ZFP64: variants seen among roughly 807,000 people sequenced by gnomAD.
ZFP64 encodes the protein zinc finger protein 64.
In ZFP64, 14 loss-of-function variants were observed where a neutral mutation model predicts 51.6. That is an observed-to-expected ratio of 0.27 (90% CI 0.18 to 0.42). ZFP64 has a LOEUF of 0.42. Ranked by LOEUF, ZFP64 falls within the 10% of genes least tolerant of loss-of-function variation. The probability of loss-of-function intolerance (pLI) is 1.00; values close to 1 mark genes in which losing one functional copy is unlikely to be tolerated. For missense variants in ZFP64, 754 were observed against 906.8 expected (o/e 0.83, Z 2.16); for synonymous variants, 375 against 361.4 (o/e 1.04, Z -0.43).
At chr20:52,106,102 C>CG (rs1348961036) in intron 5 of ZFP64, among the ~76,000 whole-genome samples, 6 of 152,190 alleles carry the variant, frequency 3.9e-5, no homozygotes, top group Non-Finnish European at 8.8e-5. Flanking sequence ...GTGACTCGGG[C>CG]GCACCGGCTC....
Position 52,085,185 on chromosome 20 carries a change from G to C in ZFP64, c.1310C>G (p.Ser437Trp), listed in dbSNP as rs1229735732. Reference sequence around the variant, plus strand: ...CTCGCACTTGAAAGGCTTCTCCCCCGAGTGCACGATCATGTGCCTTTTCAA... The same window carrying C: ...CTCGCACTTGAAAGGCTTCTCCCCCCAGTGCACGATCATGTGCCTTTTCAA... The change falls in exon 9 of 9, where the codon TCG (serine) becomes TGG (tryptophan). Residue 437 changes from serine (S) to tryptophan (W), a missense_variant. By Grantham distance (177) the Ser-to-Trp change is radical (BLOSUM62 -3). Coordinates refer to the ZFP64 transcript ENST00000361387. The surrounding 1 kb of genome is among the most constrained non-coding windows in gnomAD (Gnocchi z 4.3). The C allele has an allele frequency of 6.2e-7, 1 of 1,614,192 alleles. No homozygotes were observed. Among genetic ancestry groups the C allele is most frequent in the Admixed American group, 1.7e-5 (1 of 60,024 alleles).
At chr20:52,178,440 A>T (rs907081825) in intron 2 of ZFP64, among the ~76,000 whole-genome samples, 3 of 152,194 alleles carry the variant, frequency 2.0e-5, no homozygotes, top group African/African-American at 7.2e-5. Context: ...TACTTTATAT[A>T]GAGTACTTAG....
chr20:52,088,599 G>A (rs760481465), exon 8 of ZFP64: 15 of 1,614,044 alleles, frequency 9.3e-6, no homozygotes, highest in Admixed American at 1.7e-5. Context: ...TTGTCCTTCC[G>A]GCTGAAGCAC....
chr20:52,152,223 G>C lies in ZFP64; in HGVS notation c.1969C>G (p.Pro657Ala). Residue 657 changes from proline (P) to alanine (A), a missense_variant, in exon 6 of 6, where the codon CCC (proline) becomes GCC (alanine). Physicochemically the swap from Pro to Ala is conservative, Grantham distance 27. Coordinates refer to ENST00000216923, the MANE Select transcript of ZFP64 (RefSeq NM_018197.3). ...VFSSSSQQEL[P>A]KQTYSIIQGA... ...TGAATGATGGAGTAGGTCTGCTTGGGTAGTTCTTGCTGGGAAGAGGAGGAG... is the reference window on the plus strand; with the variant it reads ...TGAATGATGGAGTAGGTCTGCTTGGCTAGTTCTTGCTGGGAAGAGGAGGAG... 1 of 1,614,140 alleles carries C rather than the reference G, an allele frequency of 6.2e-7. No individual in the cohort carries two copies. The highest frequency in any genetic ancestry group is 1.1e-5 in the South Asian group (1 of 91,084).
At chr20:52,134,919 G>A (rs887586090) in intron 5 of ZFP64, among the ~76,000 whole-genome samples, 4 of 152,098 alleles carry the variant, frequency 2.6e-5, no homozygotes, top group Non-Finnish European at 4.4e-5. Flanking sequence ...TTGGAGGGCA[G>A]TGGCACAATC....
Position 52,085,353 on chromosome 20 carries a change from T to A in ZFP64, c.1229-87A>T. 7.2e-7 allele frequency: 1 copy of A among 1,397,604 alleles called. No individual in the cohort carries two copies. The highest frequency in any genetic ancestry group is 9.6e-7 in the Non-Finnish European group (1 of 1,042,420). 86.6% of individuals were successfully genotyped at this position (1,397,604 alleles called of 1,614,324 possible). ...CCTGCCTTAGCACACTTGGCCGCCATGAGATGGTTGGGTTTTGTGAACTCT... is the reference window on the plus strand; with the variant it reads ...CCTGCCTTAGCACACTTGGCCGCCAAGAGATGGTTGGGTTTTGTGAACTCT... On this transcript the variant is annotated intron_variant, in intron 8 of 8. Transcript: ENST00000361387. The surrounding 1 kb of genome is among the most constrained non-coding windows in gnomAD (Gnocchi z 4.3).
chr20:52,186,806 C>T, intron 2 of ZFP64, 26 bp downstream of exon 2: 1 of 1,581,826 alleles, frequency 6.3e-7, no homozygotes, highest in Middle Eastern at 1.7e-4. Flanking sequence ...CCAATTCTGG[C>T]CGACTCCCCC....
intron 4 of ZFP64, among the ~76,000 whole-genome samples, chr20:52,161,567 G>A (rs1409732219): frequency 6.7e-6 from 1 of 149,608 alleles, no homozygotes; most frequent in African/African-American, 2.5e-5. Flanking sequence ...CAACGCGGTT[G>A]TTAAGGCTGA....
At chr20:52,098,435 T>C in intron 6 of ZFP64, 1 of 1,613,968 alleles carries the variant, frequency 6.2e-7, no homozygotes, top group Non-Finnish European at 8.5e-7. Context: ...GTTTTACTCT[T>C]ACCTGGGTAG....
rs1458929096 is a variant in ZFP64, at chr20:52,160,074, T to C, written c.763+49A>G. ...AATGCTTTAAGGTGCTTATGATTTA[T>C]GCCATAGAAAGTGAGGAGCGTAGAG... On this transcript the variant is annotated intron_variant, in intron 5 of 5. Transcript: ENST00000216923. The surrounding 1 kb of genome is among the most constrained non-coding windows in gnomAD (Gnocchi z 4.2). 1 of 1,612,866 alleles carries C rather than the reference T, an allele frequency of 6.2e-7. No homozygotes were observed. The highest frequency in any genetic ancestry group is 2.2e-5 in the East Asian group (1 of 44,888).
rs1188389155 is a variant in ZFP64, at chr20:52,152,511, C to A, written c.1681G>T (p.Ala561Ser). ...ACAGCCGGCTGGGTCATTGCGCCCG[C>A]CTCGCTCGGACACCGCGAGGACTGA... ...PPQSSRCPSEAGAMTQPAVLL... is the reference protein window; with the variant it reads ...PPQSSRCPSESGAMTQPAVLL... Residue 561 changes from alanine to serine, a missense_variant, in exon 6 of 6, where the codon GCG becomes TCG. Ala to Ser is a moderately conservative substitution (Grantham distance 99, BLOSUM62 1). Coordinates refer to ENST00000216923, the MANE Select transcript of ZFP64 (RefSeq NM_018197.3). 2 of 1,606,196 alleles carry A rather than the reference C, an allele frequency of 1.2e-6. No homozygotes were observed. Among genetic ancestry groups the A allele is most frequent in the Non-Finnish European group, 1.7e-6 (2 of 1,176,840 alleles).
chr20:52,167,984 T>C (rs1031865743), intron 2 of ZFP64, among the ~76,000 whole-genome samples: 2 of 152,238 alleles, frequency 1.3e-5, no homozygotes, highest in Non-Finnish European at 2.9e-5. Context: ...ATTAAAATGC[T>C]GCCAATTAAA....
chr20:52,112,396 A>G (rs922146822), intron 5 of ZFP64, among the ~76,000 whole-genome samples: 1 of 152,208 alleles, frequency 6.6e-6, no homozygotes, highest in Non-Finnish European at 1.5e-5. Context: ...ACTGTTTTAC[A>G]TGGAAATATA....
At chr20:52,099,005 C>CAA (rs58670484) in intron 5 of ZFP64, among the ~76,000 whole-genome samples, 4,595 of 116,526 alleles carry the variant, frequency 0.039, 156 homozygotes, top group African/African-American at 0.083. Context: ...CTGTCTTTAC[C>CAA]AAAAAAAAAA....
chr20:52,167,263 T>G (rs1005388044), intron 2 of ZFP64, among the ~76,000 whole-genome samples: 1 of 151,844 alleles, frequency 6.6e-6, no homozygotes. Flanking sequence ...AGGCGGGGGT[T>G]GCAGTGAGCC....
intron 5 of ZFP64, among the ~76,000 whole-genome samples, chr20:52,099,319 C>CTTTT (rs3035409): frequency 6.7e-6 from 1 of 149,916 alleles, no homozygotes; most frequent in African/African-American, 2.4e-5. Flanking sequence ...CAATGTCAAA[C>CTTTT]TTTTTTTTTT....
In ZFP64 at chr20:52,100,720, G is replaced by A. The variant is rs151253766; in HGVS notation, c.764-2133C>T. ...CACAGTGGTGAGGGCTTCAGTTTTA[G>A]GCAGAGGGTTTGCTCAGCTATGTGC... On this transcript the variant is annotated intron_variant, in intron 5 of 8. Transcript: ENST00000361387. Among the ~76,000 whole-genome samples the A allele has an allele frequency of 5.6e-3, 846 of 152,328 alleles. 3 individuals are homozygous for A. Among genetic ancestry groups the A allele is most frequent in the Non-Finnish European group, 8.8e-3 (597 of 68,028 alleles).
chr20:52,149,916 A>T (rs1980705255), downstream of ZFP64, among the ~76,000 whole-genome samples: 1 of 152,212 alleles, frequency 6.6e-6, no homozygotes, highest in Non-Finnish European at 1.5e-5. Flanking sequence ...GCATAAAAAA[A>T]GATTGATAGG....
chr20:52,179,703 CT>C (rs1453107094), intron 2 of ZFP64, among the ~76,000 whole-genome samples: 1 of 152,182 alleles, frequency 6.6e-6, no homozygotes, highest in African/African-American at 2.4e-5. Context: ...AGGGACACCC[CT>C]GTCACTGAAT....
Sources: allele counts gnomAD v4.1 joint callset (sites outside exome capture counted in the v4.1 genomes callset), GRCh38; gene constraint gnomAD v4.1.1; non-coding constraint Gnocchi (gnomAD v3.1); transcripts MANE v1.5; gene names NCBI Gene and HGNC (gene_info 2026-07-23, HGNC 2026-07-21).